KCNJ6: variants seen among roughly 807,000 people sequenced by gnomAD.
The protein encoded by KCNJ6 is potassium inwardly rectifying channel subfamily J member 6.
Under a neutral mutation model 34.2 loss-of-function variants are expected in KCNJ6, and 9 were observed. The ratio of observed to expected loss-of-function variants is 0.26; its 90% CI spans 0.16 to 0.46. The LOEUF (loss-of-function observed/expected upper bound fraction) is 0.46. Ranked by LOEUF, KCNJ6 falls within the 20% of genes least tolerant of loss-of-function variation. The probability of loss-of-function intolerance (pLI) is 1.00; values close to 1 mark genes in which losing one functional copy is unlikely to be tolerated. For missense variants in KCNJ6, 236 were observed against 531.3 expected (o/e 0.44, Z 5.46); for synonymous variants, 196 against 207.1 (o/e 0.95, Z 0.46).
intron 2 of KCNJ6, among the ~76,000 whole-genome samples, chr21:37,733,552 G>C (rs951120028): frequency 2.6e-5 from 4 of 152,152 alleles, no homozygotes; most frequent in African/African-American, 9.7e-5. Context: ...TCTAGGGACT[G>C]TTGGTCAACA....
chr21:37,703,666 C>A (rs1176050652), intron 3 of KCNJ6, among the ~76,000 whole-genome samples: 2 of 152,166 alleles, frequency 1.3e-5, no homozygotes. Flanking sequence ...ACCCTCCGTG[C>A]CCCCTCTCCA....
At position 37,615,427 on chromosome 21, in the gene KCNJ6, C is replaced by T. The variant is rs925290508; in HGVS notation, c.*9732G>A. The T allele has an allele frequency of 3.3e-5, 5 of 152,128 alleles. No homozygotes were observed. The highest frequency in any genetic ancestry group is 9.7e-5 in the African/African-American group (4 of 41,372). The allele number at this position is 152,128 out of a possible 1,614,324, so 9.4% of individuals were successfully genotyped here. Reference sequence around the variant, plus strand: ...AAGCAGTACCATGTCCAGAATTTCTCCAGGGTTTGTGTTCAGTACGGTGGC... The same window carrying T: ...AAGCAGTACCATGTCCAGAATTTCTTCAGGGTTTGTGTTCAGTACGGTGGC... On this transcript the variant is annotated 3_prime_UTR_variant, in exon 4 of 4. Transcript: ENST00000609713.
chr21:37,836,779 A>G (rs2123573974), intron 2 of KCNJ6, among the ~76,000 whole-genome samples: 1 of 152,242 alleles, frequency 6.6e-6, no homozygotes, highest in Non-Finnish European at 1.5e-5. Context: ...TAGGAGAAAT[A>G]CCTAATGTAG....
chr21:37,701,038 T>C (rs1369062336), intron 3 of KCNJ6, among the ~76,000 whole-genome samples: 1 of 152,044 alleles, frequency 6.6e-6, no homozygotes, highest in Non-Finnish European at 1.5e-5. Context: ...AAATCTGACT[T>C]TAGGACACAT....
intron 3 of KCNJ6, among the ~76,000 whole-genome samples, chr21:37,667,304 A>G (rs2054519382): frequency 6.6e-6 from 1 of 151,868 alleles, no homozygotes; most frequent in Non-Finnish European, 1.5e-5. Context: ...CACATTTTGA[A>G]TTGGAGAATT....
chr21:37,673,112 G>A (rs985084144), intron 3 of KCNJ6, among the ~76,000 whole-genome samples: 27 of 152,366 alleles, frequency 1.8e-4, no homozygotes, highest in African/African-American at 5.0e-4. Flanking sequence ...AGAAAACAAA[G>A]GAGGAGAAGA....
chr21:37,818,207 C>CGTGTGTGTGTGTGTGTGTGTGTGTGTGT (rs1281572811), intron 2 of KCNJ6, among the ~76,000 whole-genome samples: 1 of 80,960 alleles, frequency 1.2e-5, no homozygotes, highest in African/African-American at 5.5e-5. Flanking sequence ...TGTGTGTGTG[C>CGTGTGTGTGTGTGTGTGTGTGTGTGTGT]GTGCGTGTGT....
Position 37,718,804 on chromosome 21 carries a change from T to TTAAAG in KCNJ6, c.26-3678_26-3674dup, listed in dbSNP as rs1339250923. Among the ~76,000 whole-genome samples the TTAAAG allele has an allele frequency of 2.3e-4, 35 of 152,104 alleles. No homozygotes were observed. The South Asian group carries it at 4.2e-3, about 18-fold the overall frequency. ...ACGTTGTGCACAGGTACCCTAGAACTTAAAGTATAATAATAAAAAAAAAAT... is the reference window on the plus strand; with the variant it reads ...ACGTTGTGCACAGGTACCCTAGAACTTAAAGTAAAGTATAATAATAAAAAAAAAAT... On this transcript the variant is annotated intron_variant, in intron 2 of 3. Transcript: ENST00000609713.
intron 1 of KCNJ6, among the ~76,000 whole-genome samples, chr21:37,864,436 T>G (rs894470617): frequency 2.0e-4 from 31 of 152,128 alleles, no homozygotes; most frequent in African/African-American, 7.5e-4. Flanking sequence ...TTTAATAGTG[T>G]TTCTTTTTTA....
intron 3 of KCNJ6, among the ~76,000 whole-genome samples, chr21:37,661,614 G>GTTCTTTTTTTTTTTTTTTT (rs766622814): frequency 2.8e-5 from 2 of 71,172 alleles, no homozygotes; most frequent in Non-Finnish European, 5.2e-5. Flanking sequence ...AAGAGACATA[G>GTTCTTTTTTTTTTTTTTTT]TTTTTTTTTT....
intron 3 of KCNJ6, among the ~76,000 whole-genome samples, chr21:37,670,355 C>T (rs80232404): frequency 0.028 from 4,285 of 152,220 alleles, 86 homozygotes; most frequent in Middle Eastern, 0.058. Context: ...GGGACCCTTG[C>T]ATTTCCATAT....
At chr21:37,892,054 T>C (rs2055764755) in intron 1 of KCNJ6, among the ~76,000 whole-genome samples, 2 of 152,228 alleles carry the variant, frequency 1.3e-5, no homozygotes, top group South Asian at 4.1e-4. Context: ...AGCATTCTTG[T>C]GATTCTTCTT....
chr21:37,880,739 T>G (rs761393142), intron 1 of KCNJ6, among the ~76,000 whole-genome samples: 1 of 152,206 alleles, frequency 6.6e-6, no homozygotes, highest in Non-Finnish European at 1.5e-5. Flanking sequence ...AAAGTAAGTG[T>G]TTTTATCCAG....
chr21:37,728,053 G>A (rs1200597092), intron 2 of KCNJ6, among the ~76,000 whole-genome samples: 1 of 152,208 alleles, frequency 6.6e-6, no homozygotes, highest in East Asian at 1.9e-4. Context: ...GTAGCAATTC[G>A]AGTGTCCATC....
At chr21:37,749,668 A>G (rs1473177651) in intron 2 of KCNJ6, among the ~76,000 whole-genome samples, 3 of 152,210 alleles carry the variant, frequency 2.0e-5, no homozygotes, top group African/African-American at 7.2e-5. Flanking sequence ...AGGAGCTAGG[A>G]AAGTTATGTT....
At chr21:37,826,253 G>A (rs1483988152) in intron 2 of KCNJ6, among the ~76,000 whole-genome samples, 3 of 152,164 alleles carry the variant, frequency 2.0e-5, no homozygotes, top group Admixed American at 2.0e-4. Context: ...CACCTTCAAA[G>A]TCATCCCTTG....
At chr21:37,777,310 G>A (rs908003916) in intron 2 of KCNJ6, among the ~76,000 whole-genome samples, 2 of 152,024 alleles carry the variant, frequency 1.3e-5, no homozygotes, top group Admixed American at 1.3e-4. Flanking sequence ...TTATCAAACA[G>A]GGGCATTTCT....
At chr21:37,697,479 C>T (rs1171444164) in intron 3 of KCNJ6, among the ~76,000 whole-genome samples, 1 of 152,158 alleles carries the variant, frequency 6.6e-6, no homozygotes, top group Non-Finnish European at 1.5e-5. Context: ...TAGAAGAAAA[C>T]GACTTTGAGT....
rs796724287 is a variant in KCNJ6 at position 37,616,614 on chromosome 21, T to TATATATATAC, written c.*8544_*8545insGTATATATAT. The stretch of plus-strand genomic sequence containing the variant: ...ACATATATATATATATATATATATA[T>TATATATATAC]ATGGTTAGACTCTGAACATATACGC... On this transcript the variant is annotated 3_prime_UTR_variant, in exon 4 of 4. Coordinates refer to ENST00000609713, the MANE Select transcript of KCNJ6 (RefSeq NM_002240.5). 2.4e-5 allele frequency: 3 copies of TATATATATAC among 122,792 alleles called. No individual in the cohort carries two copies. Among genetic ancestry groups the TATATATATAC allele is most frequent in the Non-Finnish European group, 5.0e-5 (3 of 59,558 alleles). The allele number at this position is 122,792 out of a possible 1,614,324, so 7.6% of individuals were successfully genotyped here.
Sources: allele counts gnomAD v4.1 joint callset (sites outside exome capture counted in the v4.1 genomes callset), GRCh38; gene constraint gnomAD v4.1.1; transcripts MANE v1.5; gene names NCBI Gene and HGNC (gene_info 2026-07-23, HGNC 2026-07-21).